SLC25A12: variants seen among roughly 807,000 people sequenced by gnomAD.
SLC25A12 encodes electrogenic aspartate/glutamate antiporter SLC25A12, mitochondrial.
A neutral mutation model predicts 83.3 loss-of-function variants in SLC25A12; 32 were observed. The observed-to-expected ratio is 0.38, with a 90% CI of 0.29 to 0.52. The LOEUF (loss-of-function observed/expected upper bound fraction) is 0.52, where lower values mean the gene tolerates loss of function less well. Among genes scored for constraint, SLC25A12 ranks in the 20% least tolerant of loss-of-function variants. The pLI, the probability that SLC25A12 is intolerant of heterozygous loss-of-function variation, is 0.84. For missense variants in SLC25A12, 611 were observed against 835.6 expected (o/e 0.73, Z 3.31); for synonymous variants, 267 against 291.1 (o/e 0.92, Z 0.84).
At chr2:171,881,263 C>T (rs1685689066) in intron 2 of SLC25A12, among the ~76,000 whole-genome samples, 1 of 152,154 alleles carries the variant, frequency 6.6e-6, no homozygotes, top group South Asian at 2.1e-4. Context: ...AGCGATTCTC[C>T]CATCTCAGCC....
At chr2:171,823,790 C>T (rs1393083412) in intron 9 of SLC25A12, among the ~76,000 whole-genome samples, 1 of 152,060 alleles carries the variant, frequency 6.6e-6, no homozygotes, top group Non-Finnish European at 1.5e-5. Context: ...TTAACCCTGT[C>T]TCTACTGAAA....
chr2:171,883,957 C>T (rs1685754454), intron 2 of SLC25A12, among the ~76,000 whole-genome samples: 1 of 151,486 alleles, frequency 6.6e-6, no homozygotes, highest in Non-Finnish European at 1.5e-5. Context: ...GACTCCTGGG[C>T]TCACATGATC....
At chr2:171,816,636 T>C (rs112065378) in intron 9 of SLC25A12, among the ~76,000 whole-genome samples, 25 of 152,220 alleles carry the variant, frequency 1.6e-4, no homozygotes, top group African/African-American at 5.3e-4. Context: ...GTTGGCTGAA[T>C]CCAAGGACAT....
chr2:171,891,332 C>T (rs1685932781), intron 2 of SLC25A12, among the ~76,000 whole-genome samples: 1 of 151,932 alleles, frequency 6.6e-6, no homozygotes, highest in African/African-American at 2.4e-5. Flanking sequence ...GAGCTAGGGA[C>T]AGTCCTCGCC....
chr2:171,787,842 A>G lies in SLC25A12; in HGVS notation c.1691T>C (p.Phe564Ser). ...CCCTTCTTCCCGGAGAATCTTCCTG[A>G]AACAGTCGATGACACCACTGTATGT... ...QTTYSGVIDC[F>S]RKILREEGPS... Residue 564 changes from phenylalanine (F) to serine (S), a missense_variant, in exon 16 of 18, where the codon TTC becomes TCC. Coordinates refer to ENST00000422440, the MANE Select transcript of SLC25A12 (RefSeq NM_003705.5). 6.2e-7 allele frequency: 1 copy of G among 1,614,240 alleles called. No homozygotes were observed. Among genetic ancestry groups the G allele is most frequent in the Non-Finnish European group, 8.5e-7 (1 of 1,180,038 alleles).
rs1198698353 is a variant in SLC25A12 at position 171,820,715 on chromosome 2, G to A, written c.931-5513C>T. 3.3e-3 allele frequency among the ~76,000 whole-genome samples: 371 copies of A among 113,216 alleles called. 3 individuals are homozygous for A. Among genetic ancestry groups the A allele is most frequent in the African/African-American group, 0.01 (351 of 34,034 alleles). The allele number at this position is 113,216 out of a possible 152,430, so 74.3% of individuals were successfully genotyped here. On this transcript the variant is annotated intron_variant, in intron 9 of 17. Transcript: ENST00000422440. ...TGCACTCCAGCCTGGGCGACAGAGC[G>A]AGACTCCGTCTCAAAAAAAAAAAAA...
At chr2:171,819,284 TATAATAC>T (rs1684125374) in intron 9 of SLC25A12, among the ~76,000 whole-genome samples, 2 of 128,442 alleles carry the variant, frequency 1.6e-5, no homozygotes, top group South Asian at 4.4e-4. Context: ...TTACATAATA[TATAATAC>T]ATAATATAGA....
intron 4 of SLC25A12, among the ~76,000 whole-genome samples, chr2:171,847,783 C>A (rs1305336758): frequency 2.0e-5 from 3 of 152,146 alleles, no homozygotes; most frequent in African/African-American, 7.2e-5. Flanking sequence ...TCCTGCAGAG[C>A]ATGGGCTTAT....
chr2:171,795,576 A>G (rs562526242), intron 13 of SLC25A12, among the ~76,000 whole-genome samples: 1 of 152,360 alleles, frequency 6.6e-6, no homozygotes, highest in East Asian at 1.9e-4. Flanking sequence ...TTTTAACTAA[A>G]GCAGATTTAA....
At chr2:171,836,252 A>C (rs753162331) in intron 6 of SLC25A12, among the ~76,000 whole-genome samples, 2 of 152,164 alleles carry the variant, frequency 1.3e-5, no homozygotes, top group Non-Finnish European at 2.9e-5. Flanking sequence ...TGATCTTTCT[A>C]CCCCAGTCTA....
At chr2:171,870,141 TATTTGGCAA>T (rs1685428330) in intron 2 of SLC25A12, among the ~76,000 whole-genome samples, 1 of 152,188 alleles carries the variant, frequency 6.6e-6, no homozygotes, top group Admixed American at 6.5e-5. Flanking sequence ...ACTCAGTAAA[TATTTGGCAA>T]ATGAATGAAT....
In SLC25A12 at chr2:171,882,209, C is replaced by G. The variant is rs141357415; in HGVS notation, c.66+10996G>C. Among the ~76,000 whole-genome samples the G allele has an allele frequency of 2.3e-3, 347 of 152,238 alleles. 2 individuals are homozygous for G. Among genetic ancestry groups the G allele is most frequent in the African/African-American group, 6.1e-3 (253 of 41,540 alleles). On this transcript the variant is annotated intron_variant, in intron 2 of 17. Transcript: ENST00000422440. ...TTAATGTGCCTAGCTTTCCTTCCCC[C>G]CTTCTGGTAACTGCATGCTAATTTT... is the stretch of plus-strand genomic sequence containing the variant.
chr2:171,793,853 C>T (rs1683540128), intron 13 of SLC25A12, 86 bp from the exon 14 acceptor site: 3 of 1,467,080 alleles, frequency 2.0e-6, no homozygotes, highest in East Asian at 2.3e-5. Context: ...AAAGCCTCCA[C>T]ATCTTGCTAT....
Position 171,815,222 on chromosome 2 carries a change from T to C in SLC25A12, c.931-20A>G. 1 of 1,579,582 alleles carries C rather than the reference T, an allele frequency of 6.3e-7. No homozygotes were observed. Among genetic ancestry groups the C allele is most frequent in the Non-Finnish European group, 8.7e-7 (1 of 1,150,160 alleles). On this transcript the variant is annotated intron_variant, in intron 9 of 17. Coordinates refer to ENST00000422440, the MANE Select transcript of SLC25A12 (RefSeq NM_003705.5). ...AGACTGCTGCAGAGAAGAAAACGGG[T>C]AAAAAAAAATCTTGAAAGCGCACAC...
At chr2:171,792,254 G>A (rs1472618840) in intron 14 of SLC25A12, among the ~76,000 whole-genome samples, 5 of 151,464 alleles carry the variant, frequency 3.3e-5, no homozygotes, top group Admixed American at 1.3e-4. Context: ...CCACCTTGGC[G>A]CTTGTTTTTT....
rs192382188 is a variant in SLC25A12 at position 171,861,519 on chromosome 2, G to A, written c.210-5570C>T. On this transcript the variant is annotated intron_variant, in intron 3 of 17. Coordinates refer to ENST00000422440, the MANE Select transcript of SLC25A12 (RefSeq NM_003705.5). ...ACTCCTGGGTTCAAGTGATCCTCCT[G>A]TCTCAGCCTCCTGAGTAGCTGGGAC... Among the ~76,000 whole-genome samples the A allele has an allele frequency of 2.1e-3, 323 of 152,282 alleles. 1 individual carries two copies. The highest frequency in any genetic ancestry group is 0.02 in the South Asian group (95 of 4,824).
chr2:171,798,906 T>C (rs946043630), intron 13 of SLC25A12, among the ~76,000 whole-genome samples: 3 of 152,182 alleles, frequency 2.0e-5, no homozygotes, highest in Non-Finnish European at 2.9e-5. Flanking sequence ...AACATTATAG[T>C]ATTAAGAAGT....
In SLC25A12 at chr2:171,894,220, G is replaced by T; in HGVS notation, c.-6C>A. On this transcript the variant is annotated 5_prime_UTR_variant, in exon 1 of 18. Transcript: ENST00000422440. ...GGAGTCACCTTGACCGCCATGCTGT[G>T]CTCGGAAGCCGGGGACGAGCGAGTG... 1 of 1,609,152 alleles carries T rather than the reference G, an allele frequency of 6.2e-7. No individual in the cohort carries two copies. The highest frequency in any genetic ancestry group is 1.1e-5 in the South Asian group (1 of 90,072).
At chr2:171,814,573 G>A (rs558711966) in intron 10 of SLC25A12, among the ~76,000 whole-genome samples, 1 of 151,700 alleles carries the variant, frequency 6.6e-6, no homozygotes, top group South Asian at 2.1e-4. Flanking sequence ...GGCGTTTGTT[G>A]TACATATTTC....
Sources: gnomAD v4.1 joint callset for allele counts (sites outside exome capture counted in the v4.1 genomes callset) on GRCh38, gnomAD v4.1.1 for gene constraint, MANE v1.5 for transcripts, NCBI Gene and HGNC (gene_info 2026-07-23, HGNC 2026-07-21) for gene names.